The following GPR160 variants were observed in gnomAD, a reference collection of about 807,000 sequenced individuals.
GPR160 encodes G protein-coupled receptor 160, also known as probable G protein-coupled receptor 160.
Under a neutral mutation model 2.6 loss-of-function variants are expected in GPR160, and 2 were observed. The ratio of observed to expected loss-of-function variants is 0.77; its 90% CI spans 0.32 to 2.44. GPR160 has a LOEUF of 2.44. Ranked by LOEUF, GPR160 falls within the 30% of genes most tolerant of loss-of-function variation. GPR160 has a pLI of 0.11. For missense variants in GPR160, 351 were observed against 383.6 expected (o/e 0.91, Z 0.71); for synonymous variants, 130 against 132.2 (o/e 0.98, Z 0.12).
chr3:170,043,811 CTGAG>C (rs1334103208), intron 2 of GPR160, among the ~76,000 whole-genome samples: 1 of 152,016 alleles, frequency 6.6e-6, no homozygotes, highest in Non-Finnish European at 1.5e-5. Context: ...AAAAAAAACA[CTGAG>C]TGAGCGTTGA....
At chr3:170,039,286 T>A (rs892540626) in intron 2 of GPR160, among the ~76,000 whole-genome samples, 1 of 152,226 alleles carries the variant, frequency 6.6e-6, no homozygotes, top group African/African-American at 2.4e-5. Context: ...TCAGTGAGGA[T>A]CAGCTTGGTT....
At chr3:170,061,511 G>A (rs1711954106) in intron 2 of GPR160, among the ~76,000 whole-genome samples, 1 of 151,784 alleles carries the variant, frequency 6.6e-6, no homozygotes, top group Non-Finnish European at 1.5e-5. Context: ...GTTTTAATAT[G>A]GACTATGTAT....
Position 170,084,903 on chromosome 3 carries a change from T to C in GPR160, c.931T>C (p.Phe311Leu). ...AGACATTGGATTACCTTTGGATCCATTTGTCAACTGGAAGTGCTGCTTCAT... is the reference window on the plus strand; with the variant it reads ...AGACATTGGATTACCTTTGGATCCACTTGTCAACTGGAAGTGCTGCTTCAT... ...LKDIGLPLDP[F>L]VNWKCCFIPL... The change falls in exon 4 of 4, where the codon TTT becomes CTT. Residue 311 changes from phenylalanine (F) to leucine (L), a missense_variant. Phe to Leu is a conservative substitution (Grantham distance 22). Transcript: ENST00000355897. 1.9e-6 allele frequency: 3 copies of C among 1,602,226 alleles called. No individual in the cohort carries two copies. Among genetic ancestry groups the C allele is most frequent in the Non-Finnish European group, 2.6e-6 (3 of 1,169,826 alleles).
intron 2 of GPR160, chr3:170,057,570 A>G (rs1057435464): frequency 1.3e-5 from 2 of 152,302 alleles, no homozygotes; most frequent in African/African-American, 2.4e-5. Context: ...CATACCTCTA[A>G]GAAACATTGG....
chr3:170,062,613 C>G, intron 2 of GPR160: 1 of 1,329,178 alleles, frequency 7.5e-7, no homozygotes, highest in Non-Finnish European at 1.1e-6. Flanking sequence ...GCAGAACTTC[C>G]AAAACCTCCG....
chr3:170,083,082 G>A (rs1713220368), intron 3 of GPR160, among the ~76,000 whole-genome samples: 1 of 151,400 alleles, frequency 6.6e-6, no homozygotes, highest in South Asian at 2.1e-4. Flanking sequence ...TTTTTTTAAG[G>A]ATGTGTTTCT....
At chr3:170,062,754 A>T (rs1269119164) in intron 2 of GPR160, 2 of 960,420 alleles carry the variant, frequency 2.1e-6, no homozygotes, top group African/African-American at 1.6e-5. Context: ...CCCTGTCCCA[A>T]GGAGCTCCAG....
At chr3:170,040,373 C>T (rs1716395513) in intron 2 of GPR160, among the ~76,000 whole-genome samples, 1 of 152,134 alleles carries the variant, frequency 6.6e-6, no homozygotes, top group African/African-American at 2.4e-5. Context: ...GACGCTCGTT[C>T]TTTGTAAATT....
At position 170,053,594 on chromosome 3, in the gene GPR160, G is replaced by A. The variant is rs186976328; in HGVS notation, c.-193+14551G>A. 4.6e-4 allele frequency among the ~76,000 whole-genome samples: 70 copies of A among 151,808 alleles called. No homozygotes were observed. The South Asian group carries it at 5.4e-3, about 12-fold the overall frequency. ...CTGTATGCCTTTCTTTTATTTTCTCGCCTTACTGAATGGGCTAGGATATCC... is the reference window on the plus strand; with the variant it reads ...CTGTATGCCTTTCTTTTATTTTCTCACCTTACTGAATGGGCTAGGATATCC... On this transcript the variant is annotated intron_variant, in intron 2 of 3. Coordinates refer to ENST00000355897, the MANE Select transcript of GPR160 (RefSeq NM_014373.3).
rs1038840816 is a variant in GPR160, at chr3:170,038,619, T to G, written c.-321-296T>G. 1 of 152,026 alleles carries G rather than the reference T, an allele frequency of 6.6e-6. No homozygotes were observed. The highest frequency in any genetic ancestry group is 2.4e-5 in the African/African-American group (1 of 41,398). The allele number at this position is 152,026 out of a possible 1,614,324, so 9.4% of individuals were successfully genotyped here. On this transcript the variant is annotated intron_variant, in intron 1 of 3. Transcript: ENST00000355897. This position sits in a 1 kb window ranked among gnomAD's most constrained non-coding sequence, Gnocchi z 5.3. Reference sequence around the variant, plus strand: ...TGGGTGTATGCAACTCTTCGCTCTTTCCTGGCGCCCAGAGGTGAATAGTCT... The same window carrying G: ...TGGGTGTATGCAACTCTTCGCTCTTGCCTGGCGCCCAGAGGTGAATAGTCT...
intron 2 of GPR160, among the ~76,000 whole-genome samples, chr3:170,068,655 T>G (rs1712455594): frequency 6.6e-6 from 1 of 152,254 alleles, no homozygotes; most frequent in Non-Finnish European, 1.5e-5. Flanking sequence ...ATATTTTATT[T>G]TCCAAGAGGT....
At chr3:170,063,123 G>A (rs1256960257) in intron 2 of GPR160, 1 of 155,244 alleles carries the variant, frequency 6.4e-6, no homozygotes, top group Non-Finnish European at 1.4e-5. Context: ...TTCCAAGGTG[G>A]ACTTAAACAG....
chr3:170,070,097 GATATAA>G (rs1199639560), intron 2 of GPR160, among the ~76,000 whole-genome samples: 3 of 152,092 alleles, frequency 2.0e-5, no homozygotes, highest in Non-Finnish European at 2.9e-5. Flanking sequence ...AATTTGGGGG[GATATAA>G]TTCAGCCCAT....
chr3:170,078,609 GA>G (rs1377782840), intron 2 of GPR160, among the ~76,000 whole-genome samples: 2 of 152,176 alleles, frequency 1.3e-5, no homozygotes, highest in African/African-American at 4.8e-5. Context: ...GGCCATGGCA[GA>G]CAACTTCCAT....
At chr3:170,062,873 G>C in intron 2 of GPR160, 1 of 444,928 alleles carries the variant, frequency 2.2e-6, no homozygotes, top group Non-Finnish European at 4.1e-6. Context: ...GACAAAGGCC[G>C]GGTGTGAACA....
chr3:170,051,890 T>C (rs1716973097), intron 2 of GPR160, among the ~76,000 whole-genome samples: 1 of 152,212 alleles, frequency 6.6e-6, no homozygotes, highest in Non-Finnish European at 1.5e-5. Flanking sequence ...TTATATCTAA[T>C]AAGTACTTGC....
chr3:170,041,861 G>A (rs1220225197), intron 2 of GPR160, among the ~76,000 whole-genome samples: 2 of 152,140 alleles, frequency 1.3e-5, no homozygotes, highest in Non-Finnish European at 2.9e-5. Flanking sequence ...AAACTTGCCA[G>A]GCCCTTTAGT....
At chr3:170,049,680 G>A (rs756376875) in intron 2 of GPR160, among the ~76,000 whole-genome samples, 27 of 152,090 alleles carry the variant, frequency 1.8e-4, no homozygotes, top group Non-Finnish European at 3.8e-4. Flanking sequence ...GTCACTCTAA[G>A]GGGACCTGGG....
intron 2 of GPR160, among the ~76,000 whole-genome samples, chr3:170,056,770 G>A (rs923052398): frequency 4.6e-5 from 7 of 152,284 alleles, no homozygotes; most frequent in Middle Eastern, 6.8e-3. Flanking sequence ...TAAGTAAGAG[G>A]TTCAAATTGG....
Sources: gnomAD v4.1 joint callset for allele counts (sites outside exome capture counted in the v4.1 genomes callset) on GRCh38, gnomAD v4.1.1 for gene constraint, Gnocchi (gnomAD v3.1) non-coding constraint, MANE v1.5 for transcripts, NCBI Gene and HGNC (gene_info 2026-07-23, HGNC 2026-07-21) for gene names.